The following MCF2 variants were observed in gnomAD, a reference collection of about 807,000 sequenced individuals.
MCF2 encodes the protein MCF.2 cell line derived transforming sequence.
MCF2 carries 44 observed loss-of-function variants against 82.5 expected under a neutral mutation model. That is an observed-to-expected ratio of 0.53 (90% confidence interval 0.42 to 0.69). The LOEUF is 0.69. MCF2 is among the 30% of genes least tolerant of loss of function. The pLI, the probability that MCF2 is intolerant of heterozygous loss-of-function variation, is 0.00. For missense variants in MCF2, 623 were observed against 663.1 expected, an observed-to-expected ratio of 0.94 and a Z score of 0.66; for synonymous variants, 217 against 224.9, an observed-to-expected ratio of 0.96 and a Z score of 0.32.
chrX:139,612,951 A>G (rs1457355586), intron 10 of MCF2, among the ~76,000 whole-genome samples: 2 of 112,097 alleles, frequency 1.8e-5, no homozygotes, highest in African/African-American at 6.5e-5. Flanking sequence ...AGCATCGCCA[A>G]TTGTTTTTCT....
Position 139,686,523 on chromosome X carries a change from GA to G in MCF2, c.-45+21582del, listed in dbSNP as rs541227949. 2.2e-3 allele frequency among the ~76,000 whole-genome samples: 226 copies of G among 102,685 alleles called. 2 individuals carry two copies. In the East Asian group the frequency reaches 0.053, roughly 24 times the overall value. 89.2% of individuals were successfully genotyped at this position (102,685 alleles called of 115,157 possible). ...GGTGATAGAGTGAGACTCTATCTCG[GA>G]AAAAAAAAAAGTTAACAGGTTCAAA... On this transcript the variant is annotated intron_variant, in intron 1 of 27. Transcript: ENST00000414978.
intron 1 of MCF2, among the ~76,000 whole-genome samples, chrX:139,655,177 G>A (rs1934156117): frequency 8.9e-6 from 1 of 111,893 alleles, no homozygotes; most frequent in African/African-American, 3.2e-5. Context: ...TTTATCTGAA[G>A]CATGCCCTGG....
chrX:139,679,104 A>G (rs969468614), intron 1 of MCF2, among the ~76,000 whole-genome samples: 11 of 112,594 alleles, frequency 9.8e-5, no homozygotes, highest in African/African-American at 3.5e-4. Flanking sequence ...AGATCACATT[A>G]AAGACATGTA....
At chrX:139,586,798 T>C (rs1488991187) in intron 22 of MCF2, among the ~76,000 whole-genome samples, 2 of 111,566 alleles carry the variant, frequency 1.8e-5, no homozygotes, top group African/African-American at 6.5e-5. Flanking sequence ...ATTAGGTAAG[T>C]TGTTGTATAT....
At chrX:139,601,097 A>G (rs1339806722) in intron 16 of MCF2, among the ~76,000 whole-genome samples, 1 of 111,360 alleles carries the variant, frequency 9.0e-6, no homozygotes, top group Non-Finnish European at 1.9e-5. Flanking sequence ...ACTAGAAAGT[A>G]GAGTAATAAG....
chrX:139,674,915 T>G (rs1314061929), intron 1 of MCF2, among the ~76,000 whole-genome samples: 1 of 112,221 alleles, frequency 8.9e-6, no homozygotes, highest in Non-Finnish European at 1.9e-5. Flanking sequence ...TCCCGAAGAG[T>G]GTTTTCCAAC....
chrX:139,626,839 C>T, intron 4 of MCF2, 83 bp from the exon 8 acceptor site: 1 of 822,976 alleles, frequency 1.2e-6, no homozygotes, highest in Non-Finnish European at 1.7e-6. Flanking sequence ...ACAACTATGG[C>T]ATGAAGAATC....
chrX:139,620,440 C>A (rs921188710), intron 6 of MCF2, among the ~76,000 whole-genome samples: 6 of 111,053 alleles, frequency 5.4e-5, no homozygotes, highest in African/African-American at 1.3e-4. Context: ...TCTTTGCTGA[C>A]AACATGATTC....
chrX:139,592,418 A>G (rs1303717390), intron 19 of MCF2, among the ~76,000 whole-genome samples: 1 of 111,777 alleles, frequency 8.9e-6, no homozygotes, highest in East Asian at 2.8e-4. Flanking sequence ...TTTTGTTGGC[A>G]TGTCCATCAT....
At chrX:139,671,575 T>C (rs12843617) in intron 1 of MCF2, among the ~76,000 whole-genome samples, 1 of 111,634 alleles carries the variant, frequency 9.0e-6, no homozygotes, top group Non-Finnish European at 1.9e-5. Context: ...TAGGGAATCC[T>C]TTCCCCATTT....
intron 1 of MCF2, among the ~76,000 whole-genome samples, chrX:139,689,662 T>TTTTTTTTTTTTTTTGAGACG (rs1569402957): frequency 9.2e-6 from 1 of 108,708 alleles, no homozygotes; most frequent in African/African-American, 3.4e-5. Context: ...CTTATTTCCT[T>TTTTTTTTTTTTTTTGAGACG]GCCTGGAATA....
intron 1 of MCF2, among the ~76,000 whole-genome samples, chrX:139,653,888 A>T (rs5953521): frequency 0.067 from 7,406 of 110,647 alleles, 607 homozygotes; most frequent in African/African-American, 0.23. Context: ...AGTGAGAACA[A>T]GCAGTATTTG....
rs1603291015 is a variant in MCF2, at chrX:139,622,996, T to A, written c.687+3197A>T. 2.7e-5 allele frequency among the ~76,000 whole-genome samples: 3 copies of A among 111,389 alleles called. No homozygotes were observed. The Admixed American group carries it at 2.9e-4, about 11-fold the overall frequency. The stretch of plus-strand genomic sequence containing the variant: ...CCAACAAAGAGGAGAAAATGCTCAA[T>A]ATCACTAATCATCAGAGAAATGCAA... On this transcript the variant is annotated intron_variant, in intron 6 of 24. Transcript: ENST00000370576.
chrX:139,625,069 G>GT (rs781442616), intron 6 of MCF2, among the ~76,000 whole-genome samples: 1 of 110,886 alleles, frequency 9.0e-6, no homozygotes, highest in East Asian at 2.8e-4. Context: ...GTTTCTACGT[G>GT]TTTTTTTAAA....
intron 1 of MCF2, among the ~76,000 whole-genome samples, chrX:139,707,694 C>A (rs2051385308): frequency 2.7e-5 from 3 of 111,884 alleles, no homozygotes; most frequent in Admixed American, 9.6e-5. Flanking sequence ...TGCATAGGAA[C>A]CACACCAAGG....
chrX:139,693,699 G>A (rs905364404), intron 1 of MCF2, among the ~76,000 whole-genome samples: 1 of 111,704 alleles, frequency 9.0e-6, no homozygotes, highest in Non-Finnish European at 1.9e-5. Flanking sequence ...TAAAATTTCC[G>A]CACTACTGTG....
In MCF2 at chrX:139,587,419, A is replaced by T. The variant is rs3128286; in HGVS notation, c.2522+297T>A. Among the ~76,000 whole-genome samples, 359 of 111,645 alleles carry T rather than the reference A, an allele frequency of 3.2e-3. 1 individual carries two copies. Among genetic ancestry groups the T allele is most frequent in the African/African-American group, 0.011 (329 of 30,733 alleles). ...AAGGTGACCAAAAATACTTTGAAAA[A>T]AAAAGCTTATGAGCACAGCCTCCTT... is the stretch of plus-strand genomic sequence containing the variant. On this transcript the variant is annotated intron_variant, in intron 22 of 24. Transcript: ENST00000370576.
rs1930834567 is a variant in MCF2, at chrX:139,604,629, T to G, written c.1743+52A>C. The G allele has an allele frequency of 5.1e-6, 4 of 788,639 alleles. No individual in the cohort carries two copies. The Admixed American group carries it at 1.4e-4, about 27-fold the overall frequency. The allele number at this position is 788,639 out of a possible 1,213,427, so 65.0% of individuals were successfully genotyped here. On this transcript the variant is annotated intron_variant, in intron 15 of 24. Coordinates refer to ENST00000370576, the Ensembl canonical transcript of MCF2. ...TCCAAATCTGTTCTTATAAGTGAGT[T>G]GCTATTTTGGTGGTGCATATTTATA...
chrX:139,686,317 G>C (rs1337513708), intron 1 of MCF2, among the ~76,000 whole-genome samples: 10 of 111,487 alleles, frequency 9.0e-5, no homozygotes, highest in South Asian at 3.8e-4. Context: ...AGGAAGAGAG[G>C]AAGTCAAATT....
Sources: gnomAD v4.1 joint callset for allele counts (sites outside exome capture counted in the v4.1 genomes callset) on GRCh38, gnomAD v4.1.1 for gene constraint, MANE v1.5 for transcripts, NCBI Gene and HGNC (gene_info 2026-07-23, HGNC 2026-07-21) for gene names.